The following TRNT1 variants were observed in gnomAD, a reference collection of about 807,000 sequenced individuals.
The protein encoded by TRNT1 is CCA tRNA nucleotidyltransferase 1, mitochondrial.
In TRNT1, 44 loss-of-function variants were observed where a neutral mutation model predicts 45.6. The ratio of observed to expected loss-of-function variants is 0.97; its 90% CI spans 0.76 to 1.24. The LOEUF is 1.24. TRNT1 is among the 50% of genes most tolerant of loss of function. The probability of loss-of-function intolerance (pLI) is 0.00; values close to 1 mark genes in which losing one functional copy is unlikely to be tolerated. For synonymous variants in TRNT1, 201 were observed against 171.4 expected (o/e 1.17, Z -1.35); for missense variants, 633 against 504.4 (o/e 1.25, Z -2.44).
At chr3:3,150,384 T>G (rs923898945), downstream of TRNT1, 2 of 152,694 alleles carry the variant, frequency 1.3e-5, no homozygotes, top group Non-Finnish European at 2.9e-5. Flanking sequence ...TTAATATACA[T>G]TGCCTTGCTT....
downstream of TRNT1, chr3:3,149,875 G>T (rs191165427): frequency 2.0e-5 from 3 of 152,076 alleles, no homozygotes; most frequent in South Asian, 4.2e-4. Flanking sequence ...CCAATAAAAC[G>T]AAAGTTATCA....
rs1446360172 is a variant in TRNT1, at chr3:3,147,467, A to G, written c.820A>G (p.Ser274Gly). 1 of 1,613,470 alleles carries G rather than the reference A, an allele frequency of 6.2e-7. No individual in the cohort carries two copies. Among genetic ancestry groups the G allele is most frequent in the Non-Finnish European group, 8.5e-7 (1 of 1,179,666 alleles). Residue 274 changes from serine (S) to glycine (G), a missense_variant, in exon 7 of 8, where the codon AGT becomes GGT. By Grantham distance (56) the Ser-to-Gly change is moderately conservative. Coordinates refer to ENST00000251607, the MANE Select transcript of TRNT1 (RefSeq NM_182916.3). The stretch of plus-strand genomic sequence containing the variant: ...CCCTACAGGTTTACCTGCTAATGCA[A>G]GTTTAGAAGAATTTGACAAAGTCAG... Reference protein sequence around the residue: ...APYIGLPANASLEEFDKVSKN... With the variant: ...APYIGLPANAGLEEFDKVSKN...
At chr3:3,151,193 C>A, downstream of TRNT1, 1 of 811,710 alleles carries the variant, frequency 1.2e-6, no homozygotes, top group Non-Finnish European at 1.9e-6. Flanking sequence ...TTCCCTGAAA[C>A]CTAAAAACAT....
At chr3:3,151,048 A>G, downstream of TRNT1, 2 of 1,613,768 alleles carry the variant, frequency 1.2e-6, no homozygotes, top group South Asian at 1.1e-5. Context: ...AGGCATACCT[A>G]AGAAATTAAG....
In TRNT1 at chr3:3,144,624, A is replaced by G. The variant is rs909198338; in HGVS notation, c.522A>G (p.Glu174=). The change falls in exon 5 of 8, where the codon GAA becomes GAG. Residue 174 remains glutamate, a synonymous_variant. Coordinates refer to ENST00000251607, the MANE Select transcript of TRNT1 (RefSeq NM_182916.3). ...GTLFDYFNGY[E]DLKNKKVRFV... ...TATTTGACTACTTTAATGGTTATGA[A>G]GATTTAAAAAATAAGAAAGTTAGAT... 6.3e-6 allele frequency: 10 copies of G among 1,587,134 alleles called. No individual in the cohort carries two copies. The highest frequency in any genetic ancestry group is 8.6e-6 in the Non-Finnish European group (10 of 1,160,332).
At chr3:3,151,105 A>AT, downstream of TRNT1, 1 of 1,566,580 alleles carries the variant, frequency 6.4e-7, no homozygotes, top group Non-Finnish European at 8.7e-7. Context: ...AGCCTATCAT[A>AT]TAAACCTATC....
At chr3:3,140,779 T>C in intron 4 of TRNT1, 131 bp downstream of exon 4, 1 of 1,227,668 alleles carries the variant, frequency 8.1e-7, no homozygotes, top group South Asian at 1.5e-5. Context: ...GTTTAGCAGA[T>C]TGCTTCAAAG....
At chr3:3,139,372 G>T (rs970965209) in intron 3 of TRNT1, among the ~76,000 whole-genome samples, 1 of 152,188 alleles carries the variant, frequency 6.6e-6, no homozygotes, top group Non-Finnish European at 1.5e-5. Context: ...ATTTAGAGAA[G>T]AGTATGTATC....
chr3:3,151,127 CTTTAGAGGCAAATTCTAAGGAT>C, downstream of TRNT1: 1 of 1,413,842 alleles, frequency 7.1e-7, no homozygotes, highest in Non-Finnish European at 9.8e-7. Context: ...TGAAGACAGA[CTTTAGAGGCAAATTCTAAGGAT>C]TAGAGATTCT....
intron 5 of TRNT1, chr3:3,145,217 TG>T (rs1705919798): frequency 6.6e-6 from 1 of 152,428 alleles, no homozygotes; most frequent in Non-Finnish European, 1.5e-5. Flanking sequence ...AATCGAAACT[TG>T]GATGGGCCGG....
chr3:3,127,204 T>G (rs536898756), intron 1 of TRNT1: 2 of 152,434 alleles, frequency 1.3e-5, no homozygotes, highest in Non-Finnish European at 2.9e-5. Context: ...GCGGATTCCT[T>G]GGCTTCCCTC....
downstream of TRNT1, chr3:3,152,357 T>TATTATAAAGATTG: frequency 2.3e-6 from 3 of 1,297,588 alleles, no homozygotes; most frequent in Non-Finnish European, 3.3e-6. Context: ...GTCTACTTTT[T>TATTATAAAGATTG]ATTATAAAGA....
At chr3:3,130,743 AATTG>A (rs1389232525) in intron 2 of TRNT1, 1 of 152,198 alleles carries the variant, frequency 6.6e-6, no homozygotes, top group East Asian at 1.9e-4. Flanking sequence ...TTTGTATAAA[AATTG>A]TTAATGAGGC....
Position 3,148,944 on chromosome 3 carries a change from G to C in TRNT1, c.*790G>C, listed in dbSNP as rs1232414606. 1.1e-5 allele frequency: 1 copy of C among 94,386 alleles called. No individual in the cohort carries two copies. Among genetic ancestry groups the C allele is most frequent in the East Asian group, 3.8e-4 (1 of 2,622 alleles). 5.8% of individuals were successfully genotyped at this position (94,386 alleles called of 1,614,324 possible). A position where few individuals can be genotyped will look rare whatever the true frequency, so the allele number is the denominator to read the frequency against. On this transcript the variant is annotated 3_prime_UTR_variant, in exon 8 of 8. Coordinates refer to ENST00000251607, the MANE Select transcript of TRNT1 (RefSeq NM_182916.3). Reference sequence around the variant, plus strand: ...TAAAGTGTTATTTTATTAATTAAAAGGATATGGCTATTATTATATATTCTC... The same window carrying C: ...TAAAGTGTTATTTTATTAATTAAAACGATATGGCTATTATTATATATTCTC...
chr3:3,127,502 C>G (rs185058126), intron 1 of TRNT1: 1 of 152,416 alleles, frequency 6.6e-6, no homozygotes, highest in Non-Finnish European at 1.5e-5. Flanking sequence ...GGCAGGACCC[C>G]CGTATGGGGA....
Position 3,148,826 on chromosome 3 carries a change from TAAAAC to T in TRNT1, c.*676_*680del, listed in dbSNP as rs1295659093. 2 of 152,142 alleles carry T rather than the reference TAAAAC, an allele frequency of 1.3e-5. No homozygotes were observed. Among genetic ancestry groups the T allele is most frequent in the South Asian group, 2.1e-4 (1 of 4,830 alleles). 9.4% of individuals were successfully genotyped at this position (152,142 alleles called of 1,614,324 possible). On this transcript the variant is annotated 3_prime_UTR_variant, in exon 8 of 8. Transcript: ENST00000251607. Reference sequence around the variant, plus strand: ...GCCTATTAATTAATTATTGTTTTAATAAAACAAACATTGGTATTGGAAGATAAATA... The same window carrying T: ...GCCTATTAATTAATTATTGTTTTAATAAACATTGGTATTGGAAGATAAATA...
chr3:3,150,626 C>T (rs1706458334), downstream of TRNT1: 3 of 439,960 alleles, frequency 6.8e-6, no homozygotes, highest in Non-Finnish European at 1.3e-5. Context: ...GATAATGGCA[C>T]CAAGCTACCC....
At chr3:3,138,505 C>T (rs566097225) in intron 3 of TRNT1, among the ~76,000 whole-genome samples, 1 of 152,258 alleles carries the variant, frequency 6.6e-6, no homozygotes, top group East Asian at 1.9e-4. Flanking sequence ...GTGCAGGGCA[C>T]TTAGTGGGCC....
chr3:3,149,575 GGAGT>G (rs982767554), downstream of TRNT1: 1 of 152,000 alleles, frequency 6.6e-6, no homozygotes, highest in Non-Finnish European at 1.5e-5. Flanking sequence ...GGAACTTCCT[GGAGT>G]AAGTAAGTTT....
Sources: gnomAD v4.1 joint callset for allele counts (sites outside exome capture counted in the v4.1 genomes callset) on GRCh38, gnomAD v4.1.1 for gene constraint, MANE v1.5 for transcripts, NCBI Gene and HGNC (gene_info 2026-07-23, HGNC 2026-07-21) for gene names.